The following ASB4 variants were observed in gnomAD, a reference collection of about 807,000 sequenced individuals.
ASB4 encodes the protein ankyrin repeat and SOCS box protein 4.
A neutral mutation model predicts 38.6 loss-of-function variants in ASB4; 35 were observed. The ratio of observed to expected loss-of-function variants is 0.91; its 90% confidence interval spans 0.69 to 1.20. The LOEUF is 1.20. Among genes scored for constraint, ASB4 ranks in the 50% most tolerant of loss-of-function variants. The pLI is 0.00. For synonymous variants in ASB4, 195 were observed against 201.3 expected (o/e 0.97, Z 0.26); for missense variants, 557 against 527.2 (o/e 1.06, Z -0.55).
At chr7:95,545,797 G>C in the ASB4 span, among the ~76,000 whole-genome samples, 1 of 152,160 alleles carries the variant, frequency 6.6e-6, no homozygotes, top group South Asian at 2.1e-4. Flanking sequence ...AACTACCAAA[G>C]AGACAGGAGA....
chr7:95,495,707 G>C (rs756838332), intron 1 of ASB4, 51 bp from the exon 2 acceptor site: 3 of 1,519,164 alleles, frequency 2.0e-6, no homozygotes, highest in Non-Finnish European at 2.7e-6. Context: ...CAGGGAGAAA[G>C]CCTAGGTCAA....
chr7:95,545,493 T>C, the ASB4 span, among the ~76,000 whole-genome samples: 1 of 152,220 alleles, frequency 6.6e-6, no homozygotes, highest in Non-Finnish European at 1.5e-5. Flanking sequence ...TCATTAGTAA[T>C]TCCATTCATT....
chr7:95,543,518 G>A (rs566926566), downstream of ASB4: 39 of 152,372 alleles, frequency 2.6e-4, 1 homozygote, highest in East Asian at 5.8e-4. Context: ...TATTGGAGTC[G>A]AGGGCAGATA....
At chr7:95,499,865 CTTTTTTTT>C (rs61250820) in intron 2 of ASB4, among the ~76,000 whole-genome samples, 63 of 77,258 alleles carry the variant, frequency 8.2e-4, no homozygotes, top group Non-Finnish European at 1.1e-3. Flanking sequence ...GATACATCCT[CTTTTTTTT>C]TTTTTTTTTT....
At position 95,537,591 on chromosome 7, in the gene ASB4, C is replaced by A; in HGVS notation, c.1113C>A (p.His371Gln). Residue 371 changes from histidine to glutamine, a missense_variant, in exon 5 of 5, where the codon CAC (histidine) becomes CAA (glutamine). His to Gln is a conservative substitution (Grantham distance 24, BLOSUM62 0). Transcript: ENST00000325885. Reference sequence around the variant, plus strand: ...TTCAGAAATACTGGGATTTTTACCACTCTCTCTTTACTGTGTGCTGTAACT... The same window carrying A: ...TTCAGAAATACTGGGATTTTTACCAATCTCTCTTTACTGTGTGCTGTAACT... ...DDLEKYWDFYHSLFTVCCNSP... is the reference protein window; with the variant it reads ...DDLEKYWDFYQSLFTVCCNSP... 1 of 1,597,570 alleles carries A rather than the reference C, an allele frequency of 6.3e-7. No homozygotes were observed. Among genetic ancestry groups the A allele is most frequent in the South Asian group, 1.1e-5 (1 of 88,744 alleles).
chr7:95,474,284 T>C (rs1259215793), upstream of ASB4, among the ~76,000 whole-genome samples: 1 of 152,210 alleles, frequency 6.6e-6, no homozygotes, highest in Non-Finnish European at 1.5e-5. Context: ...ATATTTTCCT[T>C]TTGGGGAGGT....
chr7:95,477,992 TTCC>T (rs1344104903), upstream of ASB4, among the ~76,000 whole-genome samples: 7 of 152,294 alleles, frequency 4.6e-5, no homozygotes, highest in African/African-American at 1.7e-4. Flanking sequence ...AATTAGATAC[TTCC>T]ATAGTATAAA....
chr7:95,513,822 A>G (rs920949596), intron 2 of ASB4, among the ~76,000 whole-genome samples: 1 of 152,098 alleles, frequency 6.6e-6, no homozygotes, highest in Non-Finnish European at 1.5e-5. Flanking sequence ...TACCCACCCT[A>G]GGCATCCTAG....
At chr7:95,485,836 C>T, upstream of ASB4, 1 of 662,186 alleles carries the variant, frequency 1.5e-6, no homozygotes, top group Non-Finnish European at 2.5e-6. Flanking sequence ...TGAAATGATC[C>T]CTATATAAAT....
chr7:95,515,299 TTC>T (rs1231207576), intron 2 of ASB4, among the ~76,000 whole-genome samples: 2 of 129,366 alleles, frequency 1.5e-5, no homozygotes, highest in African/African-American at 5.6e-5. Context: ...CTTTCTTTCT[TTC>T]TTTCTTTCTT....
At chr7:95,520,177 TC>T (rs1790641166) in intron 2 of ASB4, among the ~76,000 whole-genome samples, 1 of 152,096 alleles carries the variant, frequency 6.6e-6, no homozygotes. Context: ...TTTGAAAGTG[TC>T]CCCCCAACAG....
chr7:95,490,788 G>A (rs745417923), intron 1 of ASB4, among the ~76,000 whole-genome samples: 10 of 152,204 alleles, frequency 6.6e-5, no homozygotes, highest in Admixed American at 4.6e-4. Flanking sequence ...TATCTCTTTG[G>A]TTTCAGATTT....
chr7:95,543,602 T>A (rs1250132822), downstream of ASB4: 2 of 152,208 alleles, frequency 1.3e-5, no homozygotes, highest in African/African-American at 4.8e-5. Flanking sequence ...TAGGTAATAG[T>A]TTGGGTAACA....
intron 2 of ASB4, among the ~76,000 whole-genome samples, chr7:95,512,748 G>A (rs77764354): frequency 0.033 from 5,005 of 152,254 alleles, 106 homozygotes; most frequent in Middle Eastern, 0.068. Context: ...ATAGCTAGAA[G>A]GGGAACTCAC....
the ASB4 span, among the ~76,000 whole-genome samples, chr7:95,545,873 T>C: frequency 0.42 from 63,498 of 152,130 alleles, 13,691 homozygotes; most frequent in East Asian, 0.82. Context: ...AGCCTAATCA[T>C]GCCATCTGAG....
At chr7:95,494,037 G>C (rs1190594829) in intron 1 of ASB4, among the ~76,000 whole-genome samples, 1 of 152,204 alleles carries the variant, frequency 6.6e-6, no homozygotes, top group African/African-American at 2.4e-5. Flanking sequence ...ATTTCACAGA[G>C]TACAATGCAA....
upstream of ASB4, chr7:95,485,780 A>G: frequency 1.9e-6 from 1 of 525,500 alleles, no homozygotes; most frequent in Non-Finnish European, 3.4e-6. Flanking sequence ...AACCAGTTTA[A>G]AGGACCTGAA....
chr7:95,510,345 A>G (rs1303197541), intron 2 of ASB4, among the ~76,000 whole-genome samples: 4 of 152,158 alleles, frequency 2.6e-5, no homozygotes, highest in Non-Finnish European at 5.9e-5. Flanking sequence ...TGGTTTCTGG[A>G]TTTGCTCCAA....
At chr7:95,487,930 CAT>C (rs930853466) in intron 1 of ASB4, among the ~76,000 whole-genome samples, 5 of 152,312 alleles carry the variant, frequency 3.3e-5, no homozygotes, top group African/African-American at 4.8e-5. Context: ...TGTCTGCACT[CAT>C]GTGTAGAAAG....
Sources: allele counts gnomAD v4.1 joint callset (sites outside exome capture counted in the v4.1 genomes callset), GRCh38; gene constraint gnomAD v4.1.1; transcripts MANE v1.5; gene names NCBI Gene and HGNC (gene_info 2026-07-23, HGNC 2026-07-21).